NUDCD3: variants seen among roughly 807,000 people sequenced by gnomAD.
NUDCD3 encodes the protein nudC domain-containing protein 3.
Under a neutral mutation model 39.7 loss-of-function variants are expected in NUDCD3, and 13 were observed. The observed-to-expected ratio is 0.33, with a 90% CI of 0.21 to 0.52. The LOEUF is 0.52. Ranked by LOEUF, NUDCD3 falls within the 20% of genes least tolerant of loss-of-function variation. The pLI is 0.96. For missense variants in NUDCD3, 453 were observed against 458.1 expected, an observed-to-expected ratio of 0.99 and a Z score of 0.10; for synonymous variants, 175 against 172.4, an observed-to-expected ratio of 1.02 and a Z score of -0.12.
intron 4 of NUDCD3, among the ~76,000 whole-genome samples, chr7:44,403,154 T>G (rs184021656): frequency 1.3e-5 from 2 of 152,324 alleles, no homozygotes; most frequent in East Asian, 3.9e-4. Flanking sequence ...GGCTGCTGAA[T>G]GCCATGGGCA....
chr7:44,394,298 C>G (rs1798578968), intron 4 of NUDCD3, among the ~76,000 whole-genome samples: 1 of 152,198 alleles, frequency 6.6e-6, no homozygotes, highest in Non-Finnish European at 1.5e-5. Context: ...TGCCAGTGTG[C>G]AATTTAAATT....
rs1182827174 is a variant in NUDCD3 at position 44,385,988 on chromosome 7, A to T, written c.*23T>A. ...ATAAGGCTCTGCCTCCCCACCGGCG[A>T]GGGTTTCCTTTCCTTCTGGTCATTA... On this transcript the variant is annotated 3_prime_UTR_variant, in exon 6 of 6. Coordinates refer to ENST00000355451, the MANE Select transcript of NUDCD3 (RefSeq NM_015332.4). 1.6e-6 allele frequency: 2 copies of T among 1,220,934 alleles called. No homozygotes were observed. The highest frequency in any genetic ancestry group is 3.4e-5 in the Admixed American group (2 of 59,410). 75.6% of individuals were successfully genotyped at this position (1,220,934 alleles called of 1,614,324 possible). A position where few individuals can be genotyped will look rare whatever the true frequency, so the allele number is the denominator to read the frequency against.
chr7:44,418,124 G>T (rs141850470), intron 3 of NUDCD3, among the ~76,000 whole-genome samples: 63 of 152,290 alleles, frequency 4.1e-4, no homozygotes, highest in African/African-American at 1.5e-3. Flanking sequence ...GACTGCAGAG[G>T]GAGTGGTCAT....
At chr7:44,406,805 G>A (rs539783984) in intron 3 of NUDCD3, among the ~76,000 whole-genome samples, 2 of 152,324 alleles carry the variant, frequency 1.3e-5, no homozygotes, top group South Asian at 4.1e-4. Flanking sequence ...AGGAACAGAT[G>A]AGATGTCAAC....
intron 4 of NUDCD3, among the ~76,000 whole-genome samples, chr7:44,403,916 A>G (rs969056785): frequency 6.6e-6 from 1 of 152,212 alleles, no homozygotes; most frequent in African/African-American, 2.4e-5. Context: ...GACAAGGTTC[A>G]AAGCTTTCAC....
At chr7:44,488,668 C>T (rs1437632825) in intron 1 of NUDCD3, among the ~76,000 whole-genome samples, 1 of 152,218 alleles carries the variant, frequency 6.6e-6, no homozygotes, top group Non-Finnish European at 1.5e-5. Context: ...ACCCAGGTGA[C>T]AGTTCAGTTA....
chr7:44,485,561 T>C (rs914070251), intron 1 of NUDCD3: 1 of 342,312 alleles, frequency 2.9e-6, no homozygotes, highest in African/African-American at 2.1e-5. Flanking sequence ...TGGTCTTTGT[T>C]GTCATTATTT....
intron 2 of NUDCD3, among the ~76,000 whole-genome samples, chr7:44,454,820 C>A (rs973924791): frequency 2.6e-5 from 4 of 151,992 alleles, no homozygotes; most frequent in Non-Finnish European, 5.9e-5. Context: ...GTGATCCCAA[C>A]TACTCCAGAG....
At chr7:44,433,820 A>G (rs1799416121) in intron 2 of NUDCD3, among the ~76,000 whole-genome samples, 1 of 152,126 alleles carries the variant, frequency 6.6e-6, no homozygotes, top group Admixed American at 6.5e-5. Context: ...ATGGCTCCCC[A>G]CGGCCCAGGA....
At chr7:44,413,493 G>A (rs967107463) in intron 3 of NUDCD3, among the ~76,000 whole-genome samples, 5 of 152,150 alleles carry the variant, frequency 3.3e-5, no homozygotes, top group Non-Finnish European at 7.4e-5. Flanking sequence ...AAAAAGTACA[G>A]CAACCTAATA....
chr7:44,442,540 G>C (rs1799606217), intron 2 of NUDCD3, among the ~76,000 whole-genome samples: 1 of 152,206 alleles, frequency 6.6e-6, no homozygotes, highest in South Asian at 2.1e-4. Flanking sequence ...GAGGGCTGAA[G>C]ATGGGAGGGG....
chr7:44,467,961 A>G (rs562719193), intron 2 of NUDCD3: 56 of 1,610,948 alleles, frequency 3.5e-5, no homozygotes, highest in Admixed American at 1.3e-4. Flanking sequence ...AAGTTCATCC[A>G]GCACCAGTCA....
intron 2 of NUDCD3, among the ~76,000 whole-genome samples, chr7:44,449,447 A>G (rs1203931530): frequency 6.6e-6 from 1 of 152,230 alleles, no homozygotes; most frequent in Middle Eastern, 3.2e-3. Flanking sequence ...GCTCAAGAGT[A>G]GAAGACAAGG....
At chr7:44,400,263 T>C (rs1347108144) in intron 4 of NUDCD3, among the ~76,000 whole-genome samples, 2 of 148,932 alleles carry the variant, frequency 1.3e-5, no homozygotes, top group Admixed American at 6.7e-5. Context: ...CATTCTGAAG[T>C]GTGGGAGGGA....
intron 2 of NUDCD3, among the ~76,000 whole-genome samples, chr7:44,454,936 A>AACACACACAC (rs10539692): frequency 4.2e-5 from 6 of 143,324 alleles, no homozygotes; most frequent in African/African-American, 1.3e-4. Context: ...CCTGTCTCAA[A>AACACACACAC]ACACACACAC....
intron 2 of NUDCD3, among the ~76,000 whole-genome samples, chr7:44,469,790 A>C (rs1343686222): frequency 2.0e-5 from 3 of 152,062 alleles, no homozygotes; most frequent in Non-Finnish European, 4.4e-5. Flanking sequence ...GTCATAAGGA[A>C]GCATCAGACA....
chr7:44,397,371 C>T (rs1004548676), intron 4 of NUDCD3, among the ~76,000 whole-genome samples: 1 of 152,120 alleles, frequency 6.6e-6, no homozygotes, highest in African/African-American at 2.4e-5. Flanking sequence ...GCCAGGAATG[C>T]GTGTGTTGGG....
At position 44,384,646 on chromosome 7, in the gene NUDCD3, C is replaced by T. The variant is rs1241771354; in HGVS notation, c.*1365G>A. ...TGCAGGAGCGGGGACCTTCCCCTGA[C>T]AATAGGCCCTCTTAGCATCTGCGGG... On this transcript the variant is annotated 3_prime_UTR_variant, in exon 6 of 6. Transcript: ENST00000355451. 6.6e-6 allele frequency: 1 copy of T among 152,312 alleles called. No individual in the cohort carries two copies. Among genetic ancestry groups the T allele is most frequent in the Non-Finnish European group, 1.5e-5 (1 of 68,106 alleles). The allele number at this position is 152,312 out of a possible 1,614,324, so 9.4% of individuals were successfully genotyped here. A position where few individuals can be genotyped will look rare whatever the true frequency, so the allele number is the denominator to read the frequency against.
At chr7:44,405,235 A>G (rs1409817845) in intron 3 of NUDCD3, among the ~76,000 whole-genome samples, 1 of 152,194 alleles carries the variant, frequency 6.6e-6, no homozygotes, top group Non-Finnish European at 1.5e-5. Flanking sequence ...CCAAGCCTCT[A>G]AAAGCCTCAG....
Sources: allele counts gnomAD v4.1 joint callset (sites outside exome capture counted in the v4.1 genomes callset), GRCh38; gene constraint gnomAD v4.1.1; transcripts MANE v1.5; gene names NCBI Gene and HGNC (gene_info 2026-07-23, HGNC 2026-07-21).